Variants in APBA2 observed in about 807,000 individuals in gnomAD.
APBA2 encodes amyloid beta precursor protein binding family A member 2.
A neutral mutation model predicts 75.0 loss-of-function variants in APBA2; 30 were observed. The observed-to-expected ratio is 0.40, with a 90% CI of 0.30 to 0.54. APBA2 has a LOEUF of 0.54. Ranked by LOEUF, APBA2 falls within the 20% of genes least tolerant of loss-of-function variation. APBA2 has a pLI of 0.49. For missense variants in APBA2, 801 were observed against 1,016.1 expected, an observed-to-expected ratio of 0.79 and a Z score of 2.88; for synonymous variants, 444 against 409.6, an observed-to-expected ratio of 1.08 and a Z score of -1.01.
chr15:29,053,278 G>T (rs2041694390), intron 3 of APBA2, among the ~76,000 whole-genome samples: 1 of 151,932 alleles, frequency 6.6e-6, no homozygotes, highest in Non-Finnish European at 1.5e-5. Flanking sequence ...TCTGCACATT[G>T]CTCAGCCTGG....
At chr15:29,019,267 G>A (rs2039832287) in intron 3 of APBA2, among the ~76,000 whole-genome samples, 1 of 152,212 alleles carries the variant, frequency 6.6e-6, no homozygotes, top group Non-Finnish European at 1.5e-5. Flanking sequence ...ATTCTTCGAA[G>A]GAGGAAGGTG....
intron 1 of APBA2, among the ~76,000 whole-genome samples, chr15:28,921,071 G>A (rs918130523): frequency 1.3e-5 from 2 of 152,100 alleles, no homozygotes; most frequent in African/African-American, 4.8e-5. Flanking sequence ...CCCTTTCTCT[G>A]CAGGGGGTTT....
chr15:29,088,765 A>C (rs1480294018), intron 6 of APBA2, among the ~76,000 whole-genome samples: 1 of 151,956 alleles, frequency 6.6e-6, no homozygotes, highest in Non-Finnish European at 1.5e-5. Flanking sequence ...GACAGTCCTT[A>C]TGGCCTGTCA....
intron 2 of APBA2, among the ~76,000 whole-genome samples, chr15:28,965,760 A>C (rs2036706010): frequency 6.6e-6 from 1 of 152,102 alleles, no homozygotes; most frequent in Admixed American, 6.6e-5. Flanking sequence ...AACAGTCTTG[A>C]TTTCCACTTC....
At chr15:28,988,135 G>A (rs1267703556) in intron 2 of APBA2, among the ~76,000 whole-genome samples, 3 of 152,304 alleles carry the variant, frequency 2.0e-5, no homozygotes, top group Middle Eastern at 3.4e-3. Context: ...TCACACAGAG[G>A]TAACTACTGT....
At chr15:28,959,042 G>A (rs1162379967) in intron 2 of APBA2, among the ~76,000 whole-genome samples, 1 of 152,162 alleles carries the variant, frequency 6.6e-6, no homozygotes, top group Non-Finnish European at 1.5e-5. Context: ...AGGCTGGAGT[G>A]CAGTGGTGCG....
chr15:28,933,118 G>A (rs921368850), intron 2 of APBA2, among the ~76,000 whole-genome samples: 4 of 152,076 alleles, frequency 2.6e-5, no homozygotes, highest in East Asian at 1.9e-4. Flanking sequence ...TCGCGATAAT[G>A]GCATTAATAC....
In APBA2 at chr15:29,117,502, C is replaced by T. The variant is rs549129361; in HGVS notation, c.*369C>T. The T allele has an allele frequency of 5.5e-5, 16 of 292,992 alleles. 1 individual carries two copies. Among genetic ancestry groups the T allele is most frequent in the Middle Eastern group, 2.4e-3 (2 of 826 alleles). The allele number at this position is 292,992 out of a possible 1,614,324, so 18.1% of individuals were successfully genotyped here. ...CTGGCGCCTCCGAGGGACGCGGCTCCCGGGGCAGGGCAGCCGTCACCCCTG... is the reference window on the plus strand; with the variant it reads ...CTGGCGCCTCCGAGGGACGCGGCTCTCGGGGCAGGGCAGCCGTCACCCCTG... On this transcript the variant is annotated 3_prime_UTR_variant, in exon 15 of 15. Transcript: ENST00000683413.
chr15:29,091,438 G>T (rs1378402007), intron 6 of APBA2, among the ~76,000 whole-genome samples: 1 of 152,168 alleles, frequency 6.6e-6, no homozygotes, highest in African/African-American at 2.4e-5. Flanking sequence ...TGAGGGAGGG[G>T]CAGCCAGGAG....
chr15:29,025,873 C>G (rs1220483124), intron 3 of APBA2, among the ~76,000 whole-genome samples: 2 of 151,576 alleles, frequency 1.3e-5, no homozygotes, highest in East Asian at 3.9e-4. Context: ...ATTGCTTGAA[C>G]CCGGGAGGCA....
intron 2 of APBA2, among the ~76,000 whole-genome samples, chr15:28,948,545 C>A (rs1206525660): frequency 6.6e-6 from 1 of 152,120 alleles, no homozygotes; most frequent in Non-Finnish European, 1.5e-5. Flanking sequence ...CAGTTTTGTC[C>A]CCGCAGCTTC....
At chr15:29,101,202 G>A (rs372321438) in intron 9 of APBA2, among the ~76,000 whole-genome samples, 15 of 145,358 alleles carry the variant, frequency 1.0e-4, no homozygotes, top group South Asian at 4.6e-4. Context: ...TGCGAAACCC[G>A]AATAATTGGA....
chr15:29,071,545 G>A (rs1166394640), intron 4 of APBA2, among the ~76,000 whole-genome samples: 2 of 150,080 alleles, frequency 1.3e-5, no homozygotes, highest in East Asian at 4.0e-4. Context: ...TTGAGGGGTG[G>A]CTGGCTGCTG....
chr15:28,893,116 A>T (rs1302179027), intron 1 of APBA2, among the ~76,000 whole-genome samples: 1 of 152,200 alleles, frequency 6.6e-6, no homozygotes, highest in Non-Finnish European at 1.5e-5. Flanking sequence ...AGCTCTGGGA[A>T]GCCAGGCTTT....
chr15:29,102,445 C>T (rs1463324090), intron 10 of APBA2: 1 of 154,880 alleles, frequency 6.5e-6, no homozygotes, highest in East Asian at 1.9e-4. Flanking sequence ...TGGCTGTTGC[C>T]AGAGTGAAAT....
chr15:28,889,726 C>T (rs1171666639), intron 1 of APBA2, among the ~76,000 whole-genome samples: 3 of 152,254 alleles, frequency 2.0e-5, no homozygotes, highest in South Asian at 2.1e-4. Flanking sequence ...AGGGCCTTTG[C>T]ACCTGCTGTT....
intron 6 of APBA2, among the ~76,000 whole-genome samples, chr15:29,085,851 G>T (rs2043269094): frequency 6.6e-6 from 1 of 152,134 alleles, no homozygotes; most frequent in Non-Finnish European, 1.5e-5. Flanking sequence ...TGTAATCTGG[G>T]TAGTGTGGTT....
chr15:28,935,009 A>G lies in APBA2; in HGVS notation c.-95+13260A>G, dbSNP rs557488533. ...GTGCTCCCATGGCATGGTGACTATA[A>G]TCCATGAATGATGCCCACACAGTTC... On this transcript the variant is annotated intron_variant, in intron 2 of 14. Transcript: ENST00000683413. Among the ~76,000 whole-genome samples, 10 of 152,258 alleles carry G rather than the reference A, an allele frequency of 6.6e-5. No homozygotes were observed. The East Asian group carries it at 1.7e-3, about 26-fold the overall frequency.
intron 2 of APBA2, among the ~76,000 whole-genome samples, chr15:28,945,116 CT>C (rs2035469329): frequency 6.6e-6 from 1 of 152,232 alleles, no homozygotes; most frequent in African/African-American, 2.4e-5. Flanking sequence ...GGAGATCCAC[CT>C]GGCAACTCAC....
Sources: allele counts gnomAD v4.1 joint callset (sites outside exome capture counted in the v4.1 genomes callset), GRCh38; gene constraint gnomAD v4.1.1; transcripts MANE v1.5; gene names NCBI Gene and HGNC (gene_info 2026-07-23, HGNC 2026-07-21).